Variants in HDAC11 observed in about 807,000 individuals in gnomAD.
The protein encoded by HDAC11 is histone deacetylase 11.
A neutral mutation model predicts 41.1 loss-of-function variants in HDAC11; 23 were observed. That is an observed-to-expected ratio of 0.56 (90% CI 0.40 to 0.79). The LOEUF (loss-of-function observed/expected upper bound fraction) is 0.79. Among genes scored for constraint, HDAC11 ranks in the 30% least tolerant of loss-of-function variants. The pLI is 0.00. For synonymous variants in HDAC11, 187 were observed against 186.6 expected (o/e 1.00, Z -0.02); for missense variants, 402 against 477.3 (o/e 0.84, Z 1.47).
chr3:13,495,395 G>A (rs895103340), intron 3 of HDAC11, among the ~76,000 whole-genome samples: 2 of 152,044 alleles, frequency 1.3e-5, no homozygotes, highest in African/African-American at 4.8e-5. Context: ...GCAGAACCTA[G>A]TGCCGCCTCT....
rs957520429 is a variant in HDAC11 at position 13,487,402 on chromosome 3, G to A, written c.252+3838G>A. The stretch of plus-strand genomic sequence containing the variant: ...CATTCTACCCCCAACCCCTGCCTGG[G>A]GCTCATGCCTGACTCTGCACTGGTG... On this transcript the variant is annotated intron_variant, in intron 3 of 9. Coordinates refer to ENST00000295757, the MANE Select transcript of HDAC11 (RefSeq NM_024827.4). 3.9e-5 allele frequency among the ~76,000 whole-genome samples: 6 copies of A among 152,150 alleles called. No homozygotes were observed. The South Asian group carries it at 1.2e-3, about 32-fold the overall frequency.
intron 5 of HDAC11, among the ~76,000 whole-genome samples, chr3:13,499,113 C>T (rs1702237767): frequency 6.6e-6 from 1 of 152,242 alleles, no homozygotes; most frequent in African/African-American, 2.4e-5. Flanking sequence ...TTGTCCCTGT[C>T]ATTGTCCCTC....
rs770539029 is a variant in HDAC11 at position 13,481,265 on chromosome 3, T to C, written c.22T>C (p.Tyr8His). 1 of 1,612,402 alleles carries C rather than the reference T, an allele frequency of 6.2e-7. No homozygotes were observed. Residue 8 changes from tyrosine to histidine, a missense_variant, in exon 2 of 10, where the codon TAC (tyrosine) becomes CAC (histidine). Transcript: ENST00000295757. MLHTTQL[Y>H]QHVPETRWPI... ...CGGTAGGCTACACACAACCCAGCTGTACCAGCATGTGCCAGAGACACGCTG... is the reference window on the plus strand; with the variant it reads ...CGGTAGGCTACACACAACCCAGCTGCACCAGCATGTGCCAGAGACACGCTG...
intron 9 of HDAC11, 26 bp downstream of exon 9, chr3:13,504,298 G>A (rs1322428875): frequency 9.3e-6 from 15 of 1,610,742 alleles, no homozygotes; most frequent in Non-Finnish European, 1.2e-5. Flanking sequence ...TGGGGCCACG[G>A]GAGGGTCTGC....
rs1164026005 is a variant in HDAC11 at position 13,502,947 on chromosome 3, C to T, written c.616C>T (p.Arg206Cys). The T allele has an allele frequency of 2.5e-6, 4 of 1,613,672 alleles. No homozygotes were observed. The highest frequency in any genetic ancestry group is 2.2e-5 in the South Asian group (2 of 91,060). Residue 206 changes from arginine (R) to cysteine (C), a missense_variant, in exon 8 of 10, where the codon CGC becomes TGC. Arg to Cys is a radical substitution (Grantham distance 180, BLOSUM62 -3). Coordinates refer to ENST00000295757, the MANE Select transcript of HDAC11 (RefSeq NM_024827.4). The surrounding 1 kb of genome is among the most constrained non-coding windows in gnomAD (Gnocchi z 4.1). ...TGTGTACATCATGGATGTCTACAAC[C>T]GCCACATCTACCCAGGGGACCGCTT... The part of the protein sequence containing the change: ...KRVYIMDVYN[R>C]HIYPGDRFAK...
chr3:13,500,881 A>C, intron 6 of HDAC11, 92 bp downstream of exon 6: 1 of 991,514 alleles, frequency 1.0e-6, no homozygotes, highest in Non-Finnish European at 1.4e-6. Context: ...CCTGAATTAT[A>C]GACAAGGGGC....
chr3:13,493,021 C>T (rs972665117), intron 3 of HDAC11, among the ~76,000 whole-genome samples: 3 of 152,218 alleles, frequency 2.0e-5, no homozygotes, highest in Non-Finnish European at 2.9e-5. Context: ...ACTTCTGAGC[C>T]TGTCCACCCC....
At chr3:13,484,687 C>T (rs942935331) in intron 3 of HDAC11, among the ~76,000 whole-genome samples, 2 of 152,194 alleles carry the variant, frequency 1.3e-5, no homozygotes, top group African/African-American at 2.4e-5. Flanking sequence ...CCACCACACC[C>T]GGCCCTGATT....
rs140537994 is a variant in HDAC11 at position 13,505,604 on chromosome 3, C to T, written c.*921C>T. 4.0e-3 allele frequency: 603 copies of T among 152,598 alleles called. 2 individuals carry two copies. Among genetic ancestry groups the T allele is most frequent in the Middle Eastern group, 0.01 (3 of 296 alleles). 9.5% of individuals were successfully genotyped at this position (152,598 alleles called of 1,614,324 possible). A position where few individuals can be genotyped will look rare whatever the true frequency, so the allele number is the denominator to read the frequency against. ...GTGCCCAAGCCAGGTCCTGCAGGAA[C>T]CCAGGCCCAGGGAGGGACCCAGACA... On this transcript the variant is annotated 3_prime_UTR_variant, in exon 10 of 10. Transcript: ENST00000295757.
At chr3:13,487,815 G>A (rs1034064742) in intron 3 of HDAC11, among the ~76,000 whole-genome samples, 1 of 152,158 alleles carries the variant, frequency 6.6e-6, no homozygotes, top group Non-Finnish European at 1.5e-5. Flanking sequence ...TGGCATTTAG[G>A]TGGGAGAGTC....
At chr3:13,500,273 C>G (rs910740732) in intron 5 of HDAC11, among the ~76,000 whole-genome samples, 1 of 151,956 alleles carries the variant, frequency 6.6e-6, no homozygotes, top group African/African-American at 2.4e-5. Context: ...GGATCCCGGG[C>G]TCTAGGGCCC....
At position 13,496,796 on chromosome 3, in the gene HDAC11, C is replaced by T; in HGVS notation, c.313C>T (p.Leu105Phe). 1.3e-6 allele frequency: 2 copies of T among 1,598,590 alleles called. No individual in the cohort carries two copies. The highest frequency in any genetic ancestry group is 1.7e-6 in the Non-Finnish European group (2 of 1,170,820). ...CCCCGTTATCTTCCTCCCCAACTTCCTTGTGCAGAGGAAGGTGCTGAGGCC... is the reference window on the plus strand; with the variant it reads ...CCCCGTTATCTTCCTCCCCAACTTCTTTGTGCAGAGGAAGGTGCTGAGGCC... ...IPPVIFLPNF[L>F]VQRKVLRPLR... Residue 105 changes from leucine (L) to phenylalanine (F), a missense_variant, in exon 4 of 10, where the codon CTT becomes TTT. Leu to Phe is a conservative substitution (Grantham distance 22). Transcript: ENST00000295757.
chr3:13,485,063 A>T (rs1044593692), intron 3 of HDAC11, among the ~76,000 whole-genome samples: 1 of 152,346 alleles, frequency 6.6e-6, no homozygotes, highest in South Asian at 2.1e-4. Context: ...CACAGGTGGA[A>T]AAGCCTAGGT....
chr3:13,500,405 T>C (rs1434325958), intron 5 of HDAC11, among the ~76,000 whole-genome samples: 3 of 152,130 alleles, frequency 2.0e-5, no homozygotes, highest in African/African-American at 7.2e-5. Flanking sequence ...GGGAGCCACA[T>C]GGAGCCAGGC....
intron 3 of HDAC11, among the ~76,000 whole-genome samples, chr3:13,491,213 C>A (rs965151707): frequency 1.3e-5 from 2 of 151,310 alleles, no homozygotes; most frequent in Non-Finnish European, 2.9e-5. Context: ...TTGCCTAATT[C>A]CTCTGATTGG....
chr3:13,502,091 T>C lies in HDAC11; in HGVS notation c.552+158T>C. ...CAAATGCAGGGTCTGTCTTTGTCAC[T>C]CTGTCCAGGACAGCGGGTCCTCCTC... On this transcript the variant is annotated intron_variant, in intron 7 of 9. Coordinates refer to ENST00000295757, the MANE Select transcript of HDAC11 (RefSeq NM_024827.4). This position sits in a 1 kb window ranked among gnomAD's most constrained non-coding sequence, Gnocchi z 4.1. The C allele has an allele frequency of 1.5e-6, 1 of 646,856 alleles. No homozygotes were observed. Among genetic ancestry groups the C allele is most frequent in the South Asian group, 1.9e-5 (1 of 53,410 alleles). 40.1% of individuals were successfully genotyped at this position (646,856 alleles called of 1,614,324 possible). A position where few individuals can be genotyped will look rare whatever the true frequency, so the allele number is the denominator to read the frequency against.
intron 3 of HDAC11, among the ~76,000 whole-genome samples, chr3:13,491,081 T>TGG (rs1701839734): frequency 6.9e-6 from 1 of 144,710 alleles, no homozygotes; most frequent in African/African-American, 2.7e-5. Context: ...TGTGTGTGTG[T>TGG]GTGTGTGTGT....
At chr3:13,489,991 C>A (rs1194226519) in intron 3 of HDAC11, among the ~76,000 whole-genome samples, 2 of 150,794 alleles carry the variant, frequency 1.3e-5, no homozygotes, top group African/African-American at 2.4e-5. Flanking sequence ...AGGCCTCCAA[C>A]TTTGTTCTTT....
At chr3:13,483,834 G>C (rs1226691360) in intron 3 of HDAC11, among the ~76,000 whole-genome samples, 1 of 152,202 alleles carries the variant, frequency 6.6e-6, no homozygotes, top group African/African-American at 2.4e-5. Context: ...AGAATTTTAG[G>C]CTTCTACATT....
Sources: gnomAD v4.1 joint callset for allele counts (sites outside exome capture counted in the v4.1 genomes callset) on GRCh38, gnomAD v4.1.1 for gene constraint, Gnocchi (gnomAD v3.1) non-coding constraint, MANE v1.5 for transcripts, NCBI Gene and HGNC (gene_info 2026-07-23, HGNC 2026-07-21) for gene names.